Variants in MCPH1 observed in about 807,000 individuals in gnomAD.
MCPH1 encodes microcephalin.
A neutral mutation model predicts 84.5 loss-of-function variants in MCPH1; 104 were observed. That is an observed-to-expected ratio of 1.23 (90% CI 1.05 to 1.45). The LOEUF is 1.45. Ranked by LOEUF, MCPH1 falls within the 40% of genes most tolerant of loss-of-function variation. The pLI is 0.00. For missense variants in MCPH1, 1,498 were observed against 1,005.7 expected (o/e 1.49, Z -6.62); for synonymous variants, 514 against 366.8 (o/e 1.40, Z -4.58).
chr8:6,549,900 G>C (rs1295111420), intron 12 of MCPH1, among the ~76,000 whole-genome samples: 1 of 152,212 alleles, frequency 6.6e-6, no homozygotes, highest in South Asian at 2.1e-4. Context: ...AAAAGAAAAA[G>C]CTAGATTCCC....
At chr8:6,575,159 C>T (rs144014883) in intron 12 of MCPH1, among the ~76,000 whole-genome samples, 3 of 152,276 alleles carry the variant, frequency 2.0e-5, no homozygotes, top group Non-Finnish European at 2.9e-5. Flanking sequence ...GGTCTGAGCT[C>T]AAGAGAGCCA....
At chr8:6,587,950 T>A (rs1451776733) in intron 12 of MCPH1, among the ~76,000 whole-genome samples, 1 of 152,086 alleles carries the variant, frequency 6.6e-6, no homozygotes, top group Non-Finnish European at 1.5e-5. Context: ...CAATGCAGAG[T>A]CCTTAGAGCT....
chr8:6,640,374 C>G (rs1423178612), intron 13 of MCPH1, among the ~76,000 whole-genome samples: 2 of 152,046 alleles, frequency 1.3e-5, no homozygotes, highest in Non-Finnish European at 2.9e-5. Context: ...CAGTACTGGA[C>G]ATAACCCATA....
At chr8:6,472,168 A>G (rs1294121300) in intron 9 of MCPH1, among the ~76,000 whole-genome samples, 3 of 152,250 alleles carry the variant, frequency 2.0e-5, no homozygotes, top group Non-Finnish European at 4.4e-5. Flanking sequence ...CAGATATAAC[A>G]AAATAGTCCC....
At chr8:6,449,710 G>A (rs1249034983) in intron 8 of MCPH1, among the ~76,000 whole-genome samples, 1 of 152,074 alleles carries the variant, frequency 6.6e-6, no homozygotes, top group Non-Finnish European at 1.5e-5. Context: ...CTGTAGTTTG[G>A]GCTCAGGAAG....
At chr8:6,415,016 AT>A in intron 3 of MCPH1, 133 bp downstream of exon 3, 1 of 781,052 alleles carries the variant, frequency 1.3e-6, no homozygotes, top group Non-Finnish European at 2.0e-6. Context: ...TCACCTAGTA[AT>A]TTGAAATCCT....
intron 6 of MCPH1, among the ~76,000 whole-genome samples, chr8:6,441,194 A>T (rs1252117677): frequency 2.0e-5 from 3 of 152,218 alleles, no homozygotes; most frequent in Non-Finnish European, 4.4e-5. Flanking sequence ...GTGAGAATGG[A>T]CATTGAGGTA....
chr8:6,427,985 G>A (rs1385317562), intron 3 of MCPH1, among the ~76,000 whole-genome samples: 1 of 151,724 alleles, frequency 6.6e-6, no homozygotes, highest in Non-Finnish European at 1.5e-5. Flanking sequence ...TAGAGACGGG[G>A]TTTCCCCATG....
At chr8:6,533,207 G>A (rs1333577955) in intron 12 of MCPH1, among the ~76,000 whole-genome samples, 1 of 152,182 alleles carries the variant, frequency 6.6e-6, no homozygotes, top group African/African-American at 2.4e-5. Context: ...CTCTCCCTCA[G>A]TTACTAAAGA....
intron 12 of MCPH1, chr8:6,501,405 G>A (rs1028031322): frequency 6.6e-6 from 1 of 152,154 alleles, no homozygotes; most frequent in Non-Finnish European, 1.5e-5. Flanking sequence ...AAGAATATAT[G>A]AGAAATTGCC....
At chr8:6,500,169 A>G (rs1015950950) in intron 12 of MCPH1, 8 of 516,100 alleles carry the variant, frequency 1.6e-5, no homozygotes, top group South Asian at 1.5e-4. Context: ...GACGATTAAC[A>G]TCCTCAGAAC....
At chr8:6,480,937 C>CTGA (rs1481371407) in intron 11 of MCPH1, 61 bp downstream of exon 11, 1 of 1,588,040 alleles carries the variant, frequency 6.3e-7, no homozygotes, top group East Asian at 2.2e-5. Context: ...GTGGGTCACC[C>CTGA]TGAGGTGCCG....
At chr8:6,485,932 C>T (rs1467287113) in intron 11 of MCPH1, among the ~76,000 whole-genome samples, 1 of 152,168 alleles carries the variant, frequency 6.6e-6, no homozygotes, top group Non-Finnish European at 1.5e-5. Context: ...GACTTGCACC[C>T]TCAAAAAGTT....
chr8:6,464,984 G>GC (rs11381568), intron 9 of MCPH1, among the ~76,000 whole-genome samples: 46,645 of 150,820 alleles, frequency 0.31, 9,581 homozygotes, highest in African/African-American at 0.57. Flanking sequence ...GGGCAACAGA[G>GC]AAGATTCCAT....
intron 12 of MCPH1, among the ~76,000 whole-genome samples, chr8:6,549,157 T>A (rs1217642177): frequency 2.6e-5 from 4 of 152,222 alleles, no homozygotes; most frequent in Non-Finnish European, 4.4e-5. Flanking sequence ...AGAAAAATGA[T>A]ACATGGGTTT....
chr8:6,631,799 G>A (rs1191231096), intron 13 of MCPH1, among the ~76,000 whole-genome samples: 3 of 152,320 alleles, frequency 2.0e-5, no homozygotes, highest in African/African-American at 7.2e-5. Flanking sequence ...AAAATGAAAA[G>A]TAGAATTACT....
chr8:6,428,143 T>A (rs1414317117), intron 3 of MCPH1, among the ~76,000 whole-genome samples: 3 of 152,192 alleles, frequency 2.0e-5, no homozygotes. Flanking sequence ...AACTTTGTAA[T>A]TTTTTAAATT....
intron 13 of MCPH1, chr8:6,634,752 T>A (rs946960312): frequency 1.3e-5 from 2 of 152,248 alleles, no homozygotes; most frequent in East Asian, 3.8e-4. Context: ...ACTGTTCTGC[T>A]CATCCTCCAG....
intron 12 of MCPH1, among the ~76,000 whole-genome samples, chr8:6,604,298 C>T (rs1365385206): frequency 6.6e-6 from 1 of 152,234 alleles, no homozygotes; most frequent in African/African-American, 2.4e-5. Flanking sequence ...TCACCCACTG[C>T]CTGCCACATT....
Sources: gnomAD v4.1 joint callset for allele counts (sites outside exome capture counted in the v4.1 genomes callset) on GRCh38, gnomAD v4.1.1 for gene constraint, MANE v1.5 for transcripts, NCBI Gene and HGNC (gene_info 2026-07-23, HGNC 2026-07-21) for gene names.